The following MICB variants were observed in gnomAD, a reference collection of about 807,000 sequenced individuals.
MICB encodes MHC class I polypeptide-related sequence B, also known as MHC class I antigen-related protein B.
In MICB, 27 loss-of-function variants were observed where a neutral mutation model predicts 34.3. That is an observed-to-expected ratio of 0.79 (90% CI 0.58 to 1.08). The LOEUF is 1.08. MICB is among the 50% of genes least tolerant of loss of function. The probability of loss-of-function intolerance (pLI) is 0.00; values close to 1 mark genes in which losing one functional copy is unlikely to be tolerated. For missense variants in MICB, 426 were observed against 483.1 expected (o/e 0.88, Z 1.11); for synonymous variants, 153 against 187.4 (o/e 0.82, Z 1.50).
At chr6:31,505,524 C>T in intron 1 of MICB, 93 bp from the exon 2 acceptor site, 3 of 1,551,158 alleles carry the variant, frequency 1.9e-6, no homozygotes, top group Non-Finnish European at 2.6e-6. Context: ...TTCCTGCCTC[C>T]TCAGGGAGGT....
Position 31,498,224 on chromosome 6 carries a change from G to A in MICB, c.31G>A (p.Ala11Thr). 1.3e-6 allele frequency: 2 copies of A among 1,585,506 alleles called. No homozygotes were observed. Among genetic ancestry groups the A allele is most frequent in the Non-Finnish European group, 1.7e-6 (2 of 1,164,164 alleles). Residue 11 changes from alanine (A) to threonine (T), a missense_variant, in exon 1 of 6, where the codon GCC (alanine) becomes ACC (threonine). By Grantham distance (58) the Ala-to-Thr change is moderately conservative. Transcript: ENST00000252229. ...GCTGGGCCGGGTCCTGCTGTTTCTG[G>A]CCGTCGCCTTCCCTTTTGCACCCCC... Reference protein sequence around the residue: MGLGRVLLFLAVAFPFAPPAA... With the variant: MGLGRVLLFLTVAFPFAPPAA...
At chr6:31,503,986 T>TGTGTGTGTGTGTGTGTGTGTGA (rs1371417972) in intron 1 of MICB, among the ~76,000 whole-genome samples, 9 of 147,776 alleles carry the variant, frequency 6.1e-5, no homozygotes, top group African/African-American at 2.0e-4. Context: ...TGTGTGTGTG[T>TGTGTGTGTGTGTGTGTGTGTGA]GATAATAGCC....
rs749652017 is a variant in MICB, at chr6:31,505,583, G to A, written c.71-34G>A. On this transcript the variant is annotated intron_variant, in intron 1 of 5. Coordinates refer to ENST00000252229, the MANE Select transcript of MICB (RefSeq NM_005931.5). ...AACATCAATGTGAAGTTATTTCCAG[G>A]AAGAAGTTTCACCTGTGATTTCCTC... The A allele has an allele frequency of 3.7e-6, 6 of 1,606,430 alleles. No individual in the cohort carries two copies. In the East Asian group the frequency reaches 8.9e-5, roughly 24 times the overall value.
upstream of MICB, chr6:31,496,587 C>G (rs1326628095): frequency 6.6e-6 from 1 of 151,790 alleles, no homozygotes; most frequent in Non-Finnish European, 1.5e-5. Context: ...AGGATGCTCT[C>G]GATCTCCTGA....
In MICB at chr6:31,505,789, C is replaced by T; in HGVS notation, c.243C>T (p.Thr81=). 1 of 1,613,288 alleles carries T rather than the reference C, an allele frequency of 6.2e-7. No individual in the cohort carries two copies. Residue 81 remains threonine (T), a synonymous_variant, in exon 2 of 6, where the codon ACC becomes ACT. Transcript: ENST00000252229. ...QWAENVLGAK[T]WDTETEDLTE... ...CAGAAAATGTCCTGGGAGCTAAGACCTGGGACACAGAGACCGAGGACTTGA... is the reference window on the plus strand; with the variant it reads ...CAGAAAATGTCCTGGGAGCTAAGACTTGGGACACAGAGACCGAGGACTTGA...
chr6:31,495,159 G>A (rs1020016590), upstream of MICB, among the ~76,000 whole-genome samples: 54 of 152,284 alleles, frequency 3.5e-4, no homozygotes, highest in Admixed American at 5.2e-4. Context: ...AGACCTTCTT[G>A]GCCTCCCCTA....
intron 1 of MICB, among the ~76,000 whole-genome samples, chr6:31,503,576 T>G (rs928186039): frequency 1.3e-5 from 2 of 152,204 alleles, no homozygotes; most frequent in African/African-American, 4.8e-5. Flanking sequence ...GATTCTGGCT[T>G]ATTTCACTTA....
chr6:31,505,586 G>T, intron 1 of MICB, 31 bp from the exon 2 acceptor site: 1 of 1,606,944 alleles, frequency 6.2e-7, no homozygotes, highest in Middle Eastern at 2.1e-4. Flanking sequence ...TTTCCAGGAA[G>T]AAGTTTCACC....
chr6:31,499,058 T>C (rs1370429094), intron 1 of MICB, among the ~76,000 whole-genome samples: 2 of 151,960 alleles, frequency 1.3e-5, no homozygotes, highest in Non-Finnish European at 2.9e-5. Flanking sequence ...GCTCCTGGAG[T>C]TGGGGCCCTC....
At chr6:31,495,994 A>T (rs1764632518), upstream of MICB, among the ~76,000 whole-genome samples, 1 of 152,258 alleles carries the variant, frequency 6.6e-6, no homozygotes, top group South Asian at 2.1e-4. Context: ...CTAAAACTTG[A>T]CTACACATCG....
Position 31,505,640 on chromosome 6 carries a change from C to T in MICB, c.94C>T (p.Leu32Phe). The T allele has an allele frequency of 6.2e-7, 1 of 1,612,772 alleles. No individual in the cohort carries two copies. Among genetic ancestry groups the T allele is most frequent in the Non-Finnish European group, 8.5e-7 (1 of 1,179,908 alleles). Residue 32 changes from leucine to phenylalanine, a missense_variant, in exon 2 of 6, where the codon CTC becomes TTC. Leu to Phe is a conservative substitution (Grantham distance 22, BLOSUM62 0). Transcript: ENST00000252229. Reference protein sequence around the residue: ...AAEPHSLRYNLMVLSQDGSVQ... With the variant: ...AAEPHSLRYNFMVLSQDGSVQ... Reference sequence around the variant, plus strand: ...AGAGCCCCACAGTCTTCGTTACAACCTCATGGTGCTGTCCCAGGATGGATC... The same window carrying T: ...AGAGCCCCACAGTCTTCGTTACAACTTCATGGTGCTGTCCCAGGATGGATC...
chr6:31,498,278 T>A lies in MICB; in HGVS notation c.70+15T>A, dbSNP rs191912046. 12,187 of 1,546,942 alleles carry A rather than the reference T, an allele frequency of 7.9e-3. 81 individuals carry two copies. The highest frequency in any genetic ancestry group is 8.6e-3 in the Non-Finnish European group (9,820 of 1,143,608). On this transcript the variant is annotated intron_variant, in intron 1 of 5. Coordinates refer to ENST00000252229, the MANE Select transcript of MICB (RefSeq NM_005931.5). Reference sequence around the variant, plus strand: ...AGCCGCCGCTGGTGAGTGGGGTTCCTGGCGGTCCCCGGCGGAGCGGGAGCG... The same window carrying A: ...AGCCGCCGCTGGTGAGTGGGGTTCCAGGCGGTCCCCGGCGGAGCGGGAGCG...
At chr6:31,498,887 TG>T (rs1166967509) in intron 1 of MICB, among the ~76,000 whole-genome samples, 3 of 152,176 alleles carry the variant, frequency 2.0e-5, no homozygotes, top group African/African-American at 7.2e-5. Context: ...CCAGTCCTTC[TG>T]AGGCCCCTGG....
At chr6:31,499,015 C>T (rs1310957058) in intron 1 of MICB, among the ~76,000 whole-genome samples, 4 of 149,114 alleles carry the variant, frequency 2.7e-5, no homozygotes, top group Admixed American at 6.6e-5. Flanking sequence ...TGTCCTCTCC[C>T]GGAGCCGATG....
rs778294111 is a variant in MICB, at chr6:31,505,747, G to A, written c.201G>A (p.Lys67=). 1.8e-5 allele frequency: 29 copies of A among 1,613,206 alleles called. No individual in the cohort carries two copies. Among genetic ancestry groups the A allele is most frequent in the South Asian group, 1.4e-4 (13 of 91,086 alleles). ...LRYDRQKRRA[K]PQGQWAENVL... ...ATGACAGGCAGAAACGCAGGGCAAA[G>A]CCCCAGGGACAGTGGGCAGAAAATG... Residue 67 remains lysine (K), a synonymous_variant, in exon 2 of 6, where the codon AAG becomes AAA. Transcript: ENST00000252229.
chr6:31,497,994 T>C (rs1017538562), upstream of MICB: 1 of 353,486 alleles, frequency 2.8e-6, no homozygotes, highest in Non-Finnish European at 5.3e-6. Context: ...TCCCCAGGTC[T>C]CCAGGCCGCT....
intron 5 of MICB, among the ~76,000 whole-genome samples, chr6:31,508,325 G>A (rs1031709271): frequency 9.9e-5 from 15 of 152,204 alleles, no homozygotes; most frequent in African/African-American, 2.7e-4. Context: ...ACAGTCAGAA[G>A]CATTTCCCCC....
intron 1 of MICB, among the ~76,000 whole-genome samples, chr6:31,500,389 A>T (rs900023805): frequency 1.3e-5 from 2 of 152,218 alleles, no homozygotes; most frequent in African/African-American, 4.8e-5. Flanking sequence ...ACAATATGTC[A>T]TAATCACATC....
chr6:31,504,248 C>CTTTT lies in MICB; in HGVS notation c.71-1367_71-1364dup, dbSNP rs41283858. On this transcript the variant is annotated intron_variant, in intron 1 of 5. Transcript: ENST00000252229. The stretch of plus-strand genomic sequence containing the variant: ...GCATATTCTGGAAACTAATCTCTCT[C>CTTTT]TTTTTCTTTTTTTTTTTTTTTTTTT... 5.1e-3 allele frequency among the ~76,000 whole-genome samples: 367 copies of CTTTT among 71,306 alleles called. 8 individuals carry two copies. Among genetic ancestry groups the CTTTT allele is most frequent in the East Asian group, 0.019 (42 of 2,238 alleles). 46.8% of individuals were successfully genotyped at this position (71,306 alleles called of 152,430 possible).
Sources: allele counts gnomAD v4.1 joint callset (sites outside exome capture counted in the v4.1 genomes callset), GRCh38; gene constraint gnomAD v4.1.1; transcripts MANE v1.5; gene names NCBI Gene and HGNC (gene_info 2026-07-23, HGNC 2026-07-21).